Variants in PCDHA7 observed in about 807,000 individuals in gnomAD.
The protein encoded by PCDHA7 is protocadherin alpha 7.
In PCDHA7, 37 loss-of-function variants were observed where a neutral mutation model predicts 57.2. The ratio of observed to expected loss-of-function variants is 0.65; its 90% CI spans 0.50 to 0.85. The LOEUF is 0.85. Among genes scored for constraint, PCDHA7 ranks in the 40% least tolerant of loss-of-function variants. The pLI is 0.00. For synonymous variants in PCDHA7, 553 were observed against 558.8 expected (o/e 0.99, Z 0.15); for missense variants, 1,188 against 1,241.8 (o/e 0.96, Z 0.65).
At chr5:140,916,606 C>A (rs561641984) in intron 1 of PCDHA7, among the ~76,000 whole-genome samples, 1 of 152,168 alleles carries the variant, frequency 6.6e-6, no homozygotes, top group African/African-American at 2.4e-5. Context: ...GGAATGCGGG[C>A]CTCATGACTC....
intron 1 of PCDHA7, chr5:140,843,118 C>T: frequency 6.3e-7 from 1 of 1,595,834 alleles, no homozygotes; most frequent in Non-Finnish European, 8.6e-7. Flanking sequence ...CAGTGGACGC[C>T]GACTCGGGCT....
At chr5:140,889,273 T>C (rs1307102398) in intron 1 of PCDHA7, among the ~76,000 whole-genome samples, 3 of 152,054 alleles carry the variant, frequency 2.0e-5, no homozygotes, top group Admixed American at 6.5e-5. Flanking sequence ...GTATAATCTT[T>C]GAATTACTTC....
At chr5:140,928,986 C>G (rs2085702741) in intron 1 of PCDHA7, 1 of 1,613,874 alleles carries the variant, frequency 6.2e-7, no homozygotes, top group East Asian at 2.2e-5. Flanking sequence ...TTCTGGGGTG[C>G]TTACTTTTCT....
chr5:140,996,587 C>T (rs1260417239), intron 3 of PCDHA7, among the ~76,000 whole-genome samples: 4 of 151,994 alleles, frequency 2.6e-5, no homozygotes, highest in South Asian at 2.1e-4. Context: ...TAACAAGGGC[C>T]GCCTCCCCCC....
intron 1 of PCDHA7, chr5:140,875,983 G>A: frequency 6.2e-7 from 1 of 1,613,992 alleles, no homozygotes; most frequent in Non-Finnish European, 8.5e-7. Context: ...TTTGACCTAT[G>A]CGTTAAGTCT....
rs190283736 is a variant in PCDHA7 at position 140,986,671 on chromosome 5, A to G, written c.2503+4108A>G. 1.7e-3 allele frequency among the ~76,000 whole-genome samples: 261 copies of G among 152,322 alleles called. 3 individuals carry two copies. The highest frequency in any genetic ancestry group is 2.2e-4 in the Non-Finnish European group (15 of 68,018). ...GTGGGAGATGCTCACAGTTTTCAGA[A>G]GAGTTCAGAAAGTTTCAAAACACAC... On this transcript the variant is annotated intron_variant, in intron 3 of 3. Coordinates refer to ENST00000525929, the MANE Select transcript of PCDHA7 (RefSeq NM_018910.3).
intron 3 of PCDHA7, among the ~76,000 whole-genome samples, chr5:140,994,339 A>T (rs1279466681): frequency 6.6e-6 from 1 of 152,146 alleles, no homozygotes; most frequent in Non-Finnish European, 1.5e-5. Context: ...TGAACAGTGG[A>T]TGTTGTGGGA....
chr5:140,880,891 C>T (rs1475261918), intron 1 of PCDHA7, among the ~76,000 whole-genome samples: 2 of 151,984 alleles, frequency 1.3e-5, no homozygotes, highest in Non-Finnish European at 2.9e-5. Flanking sequence ...AATGTAGGGC[C>T]AGATAGAAAG....
chr5:140,892,219 A>T (rs1248122428), intron 1 of PCDHA7, among the ~76,000 whole-genome samples: 2 of 152,118 alleles, frequency 1.3e-5, no homozygotes, highest in Non-Finnish European at 2.9e-5. Flanking sequence ...TTGTATCTTT[A>T]TGGTGTTTTG....
intron 1 of PCDHA7, among the ~76,000 whole-genome samples, chr5:140,872,595 C>G (rs1048527578): frequency 6.6e-6 from 1 of 152,102 alleles, no homozygotes; most frequent in African/African-American, 2.4e-5. Flanking sequence ...AGACCCCCAT[C>G]TGAAAAAATA....
At chr5:140,907,591 C>T (rs539639384) in intron 1 of PCDHA7, among the ~76,000 whole-genome samples, 10 of 152,294 alleles carry the variant, frequency 6.6e-5, no homozygotes, top group African/African-American at 2.4e-4. Flanking sequence ...GGCTGATCAC[C>T]CTGAGGAATG....
chr5:140,972,316 G>GTT (rs112435719), intron 1 of PCDHA7, among the ~76,000 whole-genome samples: 1 of 139,858 alleles, frequency 7.2e-6, no homozygotes, highest in Non-Finnish European at 1.6e-5. Flanking sequence ...GTTTTTAGGT[G>GTT]TTTTTTTTTT....
Position 140,842,210 on chromosome 5 carries a change from C to T in PCDHA7, c.2355+5472C>T, listed in dbSNP as rs2150331831. ...GGTTATTGACCACTTTAGCATAGAT[C>T]GAAATACGGGAGAAATAGTGATTCG... is the stretch of plus-strand genomic sequence containing the variant. On this transcript the variant is annotated intron_variant, in intron 1 of 3. Transcript: ENST00000525929. 73 of 1,613,414 alleles carry T rather than the reference C, an allele frequency of 4.5e-5. 2 individuals are homozygous for T. The South Asian group carries it at 7.8e-4, about 17-fold the overall frequency.
At chr5:140,944,809 A>G (rs2093698274) in intron 1 of PCDHA7, among the ~76,000 whole-genome samples, 1 of 152,220 alleles carries the variant, frequency 6.6e-6, no homozygotes, top group African/African-American at 2.4e-5. Flanking sequence ...GAGGGTCCAC[A>G]GTGATCTTTG....
chr5:140,876,356 T>C, intron 1 of PCDHA7: 1 of 1,613,964 alleles, frequency 6.2e-7, no homozygotes. Flanking sequence ...ATGTTTTCAA[T>C]AAATCCAGAC....
At chr5:140,929,096 C>T (rs113293568) in intron 1 of PCDHA7, 45,094 of 1,614,150 alleles carry the variant, frequency 0.028, 813 homozygotes, top group Non-Finnish European at 0.033. Context: ...GTTTCAAATC[C>T]TTGCATGACA....
chr5:140,841,597 C>A, intron 1 of PCDHA7: 1 of 1,614,076 alleles, frequency 6.2e-7, no homozygotes, highest in Admixed American at 1.7e-5. Flanking sequence ...GGATCGACCG[C>A]GAGGAGCTGT....
At position 140,836,280 on chromosome 5, in the gene PCDHA7, A is replaced by G. The variant is rs1774331146; in HGVS notation, c.1897A>G (p.Thr633Ala). 6.2e-7 allele frequency: 1 copy of G among 1,613,762 alleles called. No homozygotes were observed. Among genetic ancestry groups the G allele is most frequent in the African/African-American group, 1.3e-5 (1 of 74,966 alleles). Residue 633 changes from threonine (T) to alanine (A), a missense_variant, in exon 1 of 4, where the codon ACG becomes GCG. By Grantham distance (58) the Thr-to-Ala change is moderately conservative. Around this residue, in one of 3 missense-constraint regions of PCDHA7, gnomAD observed 892 missense variants for 788.5 expected, o/e 1.13. Coordinates refer to ENST00000525929, the MANE Select transcript of PCDHA7 (RefSeq NM_018910.3). ...GGGGCTGTACACTGGTGAGATCAGCACGACACGAGCCCTAGATGAGACGGA... is the reference window on the plus strand; with the variant it reads ...GGGGCTGTACACTGGTGAGATCAGCGCGACACGAGCCCTAGATGAGACGGA... ...RVGLYTGEIS[T>A]TRALDETDAP...
chr5:140,852,691 T>A, intron 1 of PCDHA7: 2 of 974,798 alleles, frequency 2.1e-6, no homozygotes, highest in Non-Finnish European at 2.5e-6. Flanking sequence ...TATAGTCTTA[T>A]ACTTTCAAGT....
Sources: gnomAD v4.1 joint callset for allele counts (sites outside exome capture counted in the v4.1 genomes callset) on GRCh38, gnomAD v4.1.1 for gene constraint, gnomAD v4.1.1 regional missense constraint, MANE v1.5 for transcripts, NCBI Gene and HGNC (gene_info 2026-07-23, HGNC 2026-07-21) for gene names.